The following PRORP variants were observed in gnomAD, a reference collection of about 807,000 sequenced individuals.
The protein encoded by PRORP is protein only RNase P catalytic subunit, also known as mitochondrial ribonuclease P catalytic subunit.
A neutral mutation model predicts 59.4 loss-of-function variants in PRORP; 51 were observed. The ratio of observed to expected loss-of-function variants is 0.86; its 90% CI spans 0.69 to 1.08. The LOEUF is 1.08. Ranked by LOEUF, PRORP falls within the 50% of genes least tolerant of loss-of-function variation. PRORP has a pLI of 0.00. For missense variants in PRORP, 646 were observed against 690.3 expected (o/e 0.94, Z 0.72); for synonymous variants, 231 against 245.6 (o/e 0.94, Z 0.55).
chr14:35,256,916 A>G (rs1290572684), intron 5 of PRORP, among the ~76,000 whole-genome samples: 1 of 147,742 alleles, frequency 6.8e-6, no homozygotes, highest in Non-Finnish European at 1.5e-5. Context: ...TCTGTTGCCC[A>G]GGCTAGAGTA....
intron 5 of PRORP, chr14:35,262,869 C>G: frequency 2.6e-6 from 4 of 1,545,962 alleles, no homozygotes; most frequent in Non-Finnish European, 3.6e-6. Flanking sequence ...TTCAGTATCT[C>G]AAGCCCAGAA....
chr14:35,273,917 T>C lies in PRORP; in HGVS notation c.*351T>C, dbSNP rs2051259850. The stretch of plus-strand genomic sequence containing the variant: ...TGACCTTGCCTTCCAGGCCTACCAA[T>C]AGCAGAATCAATCCATCTGTCCCTG... On this transcript the variant is annotated 3_prime_UTR_variant, in exon 8 of 8. Transcript: ENST00000534898. 1 of 174,674 alleles carries C rather than the reference T, an allele frequency of 5.7e-6. No homozygotes were observed. Among genetic ancestry groups the C allele is most frequent in the Non-Finnish European group, 1.2e-5 (1 of 82,538 alleles). The allele number at this position is 174,674 out of a possible 1,614,324, so 10.8% of individuals were successfully genotyped here. A position where few individuals can be genotyped will look rare whatever the true frequency, so the allele number is the denominator to read the frequency against.
chr14:35,153,015 G>C (rs918878434), intron 4 of PRORP, among the ~76,000 whole-genome samples: 2 of 152,192 alleles, frequency 1.3e-5, no homozygotes, highest in African/African-American at 4.8e-5. Flanking sequence ...CTGTAATCTC[G>C]GCACTTTGGG....
chr14:35,226,018 A>G (rs2049925607), intron 5 of PRORP, among the ~76,000 whole-genome samples: 1 of 152,210 alleles, frequency 6.6e-6, no homozygotes, highest in African/African-American at 2.4e-5. Flanking sequence ...GATACCTGTT[A>G]TTACTCTCAT....
intron 5 of PRORP, among the ~76,000 whole-genome samples, chr14:35,241,562 T>C (rs2050369875): frequency 6.6e-6 from 1 of 152,214 alleles, no homozygotes. Flanking sequence ...ATAATTGGCC[T>C]CAATACATTC....
At chr14:35,171,324 T>C (rs1209738123) in intron 4 of PRORP, among the ~76,000 whole-genome samples, 2 of 152,226 alleles carry the variant, frequency 1.3e-5, no homozygotes, top group African/African-American at 2.4e-5. Context: ...TGATGAATTA[T>C]CTGTTTTCAT....
chr14:35,272,053 A>T (rs992441786), intron 7 of PRORP, among the ~76,000 whole-genome samples: 2 of 152,134 alleles, frequency 1.3e-5, no homozygotes, highest in East Asian at 1.9e-4. Flanking sequence ...ACAACAAAAA[A>T]AAAACGGAGA....
intron 5 of PRORP, among the ~76,000 whole-genome samples, chr14:35,212,850 A>T (rs889425222): frequency 1.4e-4 from 22 of 152,194 alleles, no homozygotes; most frequent in Admixed American, 1.3e-3. Flanking sequence ...TTCTCTAGTT[A>T]TGAAAGTCCT....
At chr14:35,174,653 C>T (rs371414704) in intron 4 of PRORP, among the ~76,000 whole-genome samples, 47 of 152,028 alleles carry the variant, frequency 3.1e-4, no homozygotes, top group African/African-American at 9.9e-4. Flanking sequence ...TCTTTCAGCA[C>T]GGTTGTACTG....
chr14:35,234,152 A>G (rs1410503642), intron 5 of PRORP, among the ~76,000 whole-genome samples: 2 of 152,208 alleles, frequency 1.3e-5, no homozygotes, highest in Admixed American at 1.3e-4. Flanking sequence ...TTGTGCATGT[A>G]GGGTTGGAAA....
intron 4 of PRORP, among the ~76,000 whole-genome samples, chr14:35,154,902 C>T (rs182665963): frequency 6.7e-6 from 1 of 148,994 alleles, no homozygotes; most frequent in African/African-American, 2.5e-5. Context: ...AGTTAAAACT[C>T]TTTTTTTTTT....
intron 5 of PRORP, 71 bp from the exon 6 acceptor site, chr14:35,266,656 C>A: frequency 6.5e-7 from 1 of 1,538,280 alleles, no homozygotes; most frequent in Non-Finnish European, 8.9e-7. Flanking sequence ...AGGTGGCCTG[C>A]TGGAAAAATC....
intron 5 of PRORP, among the ~76,000 whole-genome samples, chr14:35,264,015 A>G (rs893998938): frequency 6.6e-6 from 1 of 151,824 alleles, no homozygotes; most frequent in East Asian, 1.9e-4. Flanking sequence ...ATTGTAGCTC[A>G]CTGTAGCCTT....
Position 35,230,330 on chromosome 14 carries a change from G to A in PRORP, c.1276-36397G>A, listed in dbSNP as rs531356054. 7.9e-5 allele frequency among the ~76,000 whole-genome samples: 12 copies of A among 152,330 alleles called. No individual in the cohort carries two copies. The East Asian group carries it at 1.9e-3, about 24-fold the overall frequency. ...GCCTCCCAAGGTATTGGGATTACAG[G>A]CGTGAGCCACCACGCCCAACCCATT... is the stretch of plus-strand genomic sequence containing the variant. On this transcript the variant is annotated intron_variant, in intron 5 of 7. Coordinates refer to ENST00000534898, the MANE Select transcript of PRORP (RefSeq NM_014672.4).
chr14:35,128,644 C>T (rs2047157286), intron 4 of PRORP, among the ~76,000 whole-genome samples: 2 of 152,140 alleles, frequency 1.3e-5, no homozygotes, highest in Non-Finnish European at 2.9e-5. Context: ...ATAGTAGCCA[C>T]TAATGATCCT....
intron 5 of PRORP, among the ~76,000 whole-genome samples, chr14:35,241,344 C>T (rs562119920): frequency 9.2e-5 from 14 of 151,608 alleles, no homozygotes; most frequent in Admixed American, 1.3e-4. Flanking sequence ...TGCCACTGCA[C>T]GCCAGCCTGG....
At chr14:35,131,245 C>A (rs946080235) in intron 4 of PRORP, among the ~76,000 whole-genome samples, 1 of 152,060 alleles carries the variant, frequency 6.6e-6, no homozygotes, top group Non-Finnish European at 1.5e-5. Flanking sequence ...AGCTGGCCAT[C>A]CTTTTCTTTC....
intron 5 of PRORP, among the ~76,000 whole-genome samples, chr14:35,237,159 C>G (rs1399984420): frequency 1.3e-5 from 2 of 151,702 alleles, no homozygotes; most frequent in African/African-American, 2.4e-5. Flanking sequence ...GTGGCGCCAT[C>G]ACAGCTCACT....
At chr14:35,180,858 G>C in intron 5 of PRORP, 81 bp downstream of exon 5, 1 of 889,988 alleles carries the variant, frequency 1.1e-6, no homozygotes, top group Admixed American at 2.4e-5. Context: ...GGGGCTCTTA[G>C]CTCCTCAGTT....
Sources: gnomAD v4.1 joint callset for allele counts (sites outside exome capture counted in the v4.1 genomes callset) on GRCh38, gnomAD v4.1.1 for gene constraint, MANE v1.5 for transcripts, NCBI Gene and HGNC (gene_info 2026-07-23, HGNC 2026-07-21) for gene names.